GRM5: variants seen among roughly 807,000 people sequenced by gnomAD.
GRM5 encodes glutamate metabotropic receptor 5, also known as metabotropic glutamate receptor 5.
A neutral mutation model predicts 83.1 loss-of-function variants in GRM5; 19 were observed. The observed-to-expected ratio is 0.23, with a 90% CI of 0.16 to 0.34. The LOEUF (loss-of-function observed/expected upper bound fraction) is 0.34, where lower values mean the gene tolerates loss of function less well. GRM5 is among the 10% of genes least tolerant of loss of function. GRM5 has a pLI of 1.00. For synonymous variants in GRM5, 675 were observed against 633.6 expected (o/e 1.07, Z -0.98); for missense variants, 1,160 against 1,588.3 (o/e 0.73, Z 4.58).
In GRM5 at chr11:88,567,493, G is replaced by T; in HGVS notation, c.2190C>A (p.Tyr730Ter). The T allele has an allele frequency of 6.2e-7, 1 of 1,614,086 alleles. No homozygotes were observed. The highest frequency in any genetic ancestry group is 8.5e-7 in the Non-Finnish European group (1 of 1,179,938). Residue 730 changes from tyrosine to a stop codon, truncating the protein, a stop_gained, in exon 8 of 10, where the codon TAC becomes TAA. Transcript: ENST00000305447. LOFTEE classifies it high-confidence loss of function. This position sits in a 1 kb window ranked among gnomAD's most constrained non-coding sequence, Gnocchi z 7.3. The part of the protein sequence containing the change: ...MHDYPSIREV[Y>*]LICNTTNLGV... ...CTAGGTTGGTGGTGTTACAGATCAG[G>T]TAGACTTCTCGAATGCTTGGGTAGT...
intron 2 of GRM5, among the ~76,000 whole-genome samples, chr11:88,996,278 C>A (rs1940182961): frequency 6.6e-6 from 1 of 152,148 alleles, no homozygotes. Flanking sequence ...AAGAACAATA[C>A]TGATAAACTT....
chr11:89,042,220 T>A (rs1423573994), intron 2 of GRM5, among the ~76,000 whole-genome samples: 4 of 152,176 alleles, frequency 2.6e-5, no homozygotes, highest in Non-Finnish European at 4.4e-5. Flanking sequence ...CAGATAGTTA[T>A]TAACACTTTC....
In GRM5 at chr11:88,998,992, A is replaced by ATT. The variant is rs1453475325; in HGVS notation, c.661+48218_661+48219dup. Among the ~76,000 whole-genome samples, 5 of 152,198 alleles carry ATT rather than the reference A, an allele frequency of 3.3e-5. No homozygotes were observed. In the East Asian group the frequency reaches 9.6e-4, roughly 29 times the overall value. ...GACAAAAACAAGAAATGGGGAAAGG[A>ATT]TTCCCTATTTAATAAATGGTGCTGG... is the stretch of plus-strand genomic sequence containing the variant. On this transcript the variant is annotated intron_variant, in intron 2 of 9. Transcript: ENST00000305447.
At chr11:88,831,861 C>T (rs534044937) in intron 3 of GRM5, among the ~76,000 whole-genome samples, 51 of 152,278 alleles carry the variant, frequency 3.3e-4, no homozygotes, top group African/African-American at 1.1e-3. Flanking sequence ...GCAAAGCTGC[C>T]ACTACCAGCA....
chr11:88,542,991 C>T (rs1416307203), intron 8 of GRM5, among the ~76,000 whole-genome samples: 1 of 152,126 alleles, frequency 6.6e-6, no homozygotes, highest in Admixed American at 6.6e-5. Context: ...TCACCTGAGC[C>T]CGGGAAGTGG....
chr11:88,731,465 G>T (rs576757323), intron 3 of GRM5, among the ~76,000 whole-genome samples: 1 of 151,952 alleles, frequency 6.6e-6, no homozygotes, highest in African/African-American at 2.4e-5. Flanking sequence ...TCTCTATGCC[G>T]TCACATCACT....
chr11:88,647,450 C>G (rs7396713), intron 4 of GRM5, among the ~76,000 whole-genome samples: 85,135 of 151,774 alleles, frequency 0.56, 27,580 homozygotes, highest in South Asian at 0.81. Flanking sequence ...CCATTTTCTC[C>G]CATGATTCAC....
At chr11:89,064,854 TTC>T (rs144985912) in intron 1 of GRM5, among the ~76,000 whole-genome samples, 2,382 of 45,624 alleles carry the variant, frequency 0.052, 90 homozygotes, top group African/African-American at 0.074. Context: ...ATTTTTCATA[TTC>T]TCTCTCTCTC....
Position 88,597,245 on chromosome 11 carries a change from G to A in GRM5, c.1502C>T (p.Ser501Phe), listed in dbSNP as rs1223898699. 6.2e-7 allele frequency: 1 copy of A among 1,608,624 alleles called. No homozygotes were observed. ...AGATCTGATGATGTTGCTTTTCTTG[G>A]ACCATACTTCATCATCATCCATTTT... ...ELKMDDDEVWSKKSNIIRSVC... is the reference protein window; with the variant it reads ...ELKMDDDEVWFKKSNIIRSVC... The change falls in exon 6 of 10, where the codon TCC becomes TTC. Residue 501 changes from serine (S) to phenylalanine (F), a missense_variant. Physicochemically the swap from Ser to Phe is radical, Grantham distance 155. This residue lies in a region of GRM5 where 30 missense variants were observed against 19.7 expected (regional missense o/e 1.52). Coordinates refer to ENST00000305447, the MANE Select transcript of GRM5 (RefSeq NM_001143831.3).
chr11:88,673,198 G>A (rs1444051295), intron 3 of GRM5, among the ~76,000 whole-genome samples: 3 of 151,868 alleles, frequency 2.0e-5, no homozygotes, highest in Non-Finnish European at 4.4e-5. Context: ...CCATAAGTCA[G>A]GTGAGAAGTG....
chr11:88,743,763 T>C (rs1156820608), intron 3 of GRM5, among the ~76,000 whole-genome samples: 1 of 152,140 alleles, frequency 6.6e-6, no homozygotes, highest in Non-Finnish European at 1.5e-5. Context: ...AGAAACCTAA[T>C]AACAATTTTC....
chr11:88,819,709 T>G (rs1040757474), intron 3 of GRM5, among the ~76,000 whole-genome samples: 4 of 152,224 alleles, frequency 2.6e-5, no homozygotes, highest in Non-Finnish European at 4.4e-5. Flanking sequence ...AATTTTGTGT[T>G]GCTATAACAG....
intron 3 of GRM5, among the ~76,000 whole-genome samples, chr11:88,696,895 A>G (rs1481825121): frequency 1.3e-5 from 2 of 152,194 alleles, no homozygotes; most frequent in South Asian, 4.1e-4. Flanking sequence ...TTCGTGTCAA[A>G]TGATTGTGAG....
intron 2 of GRM5, among the ~76,000 whole-genome samples, chr11:88,988,529 G>A (rs1004951882): frequency 1.6e-4 from 25 of 151,930 alleles, no homozygotes; most frequent in African/African-American, 2.7e-4. Flanking sequence ...GATACTCCTC[G>A]AGAAGAGCAA....
chr11:88,518,365 T>C (rs1385877133), intron 9 of GRM5, among the ~76,000 whole-genome samples: 1 of 151,982 alleles, frequency 6.6e-6, no homozygotes, highest in African/African-American at 2.4e-5. Context: ...AAAATGCTTA[T>C]AATAAGATTT....
chr11:88,530,492 G>T (rs182775959), intron 8 of GRM5, among the ~76,000 whole-genome samples: 1 of 151,920 alleles, frequency 6.6e-6, no homozygotes. Context: ...GGAAGTTCTA[G>T]CTCTTCTGTA....
chr11:88,604,425 C>T (rs1011343401), intron 5 of GRM5, among the ~76,000 whole-genome samples: 1 of 152,054 alleles, frequency 6.6e-6, no homozygotes, highest in African/African-American at 2.4e-5. Context: ...ACAGAGAAAC[C>T]ACAGAGATGG....
chr11:88,791,923 C>A (rs939680274), intron 3 of GRM5, among the ~76,000 whole-genome samples: 1 of 152,044 alleles, frequency 6.6e-6, no homozygotes, highest in Non-Finnish European at 1.5e-5. Flanking sequence ...TGTAACATCC[C>A]ATTTTAGCTT....
chr11:88,975,590 A>G (rs1350745756), intron 2 of GRM5, among the ~76,000 whole-genome samples: 1 of 152,188 alleles, frequency 6.6e-6, no homozygotes, highest in Non-Finnish European at 1.5e-5. Context: ...TGGGCCAGAA[A>G]CATTGGCATC....
Sources: allele counts gnomAD v4.1 joint callset (sites outside exome capture counted in the v4.1 genomes callset), GRCh38; gene constraint gnomAD v4.1.1; regional missense constraint gnomAD v4.1.1; non-coding constraint Gnocchi (gnomAD v3.1); transcripts MANE v1.5; gene names NCBI Gene and HGNC (gene_info 2026-07-23, HGNC 2026-07-21).